SCAI: variants seen among roughly 807,000 people sequenced by gnomAD.
SCAI encodes protein SCAI.
SCAI carries 24 observed loss-of-function variants against 92.2 expected under a neutral mutation model. The ratio of observed to expected loss-of-function variants is 0.26; its 90% CI spans 0.19 to 0.37. The LOEUF (loss-of-function observed/expected upper bound fraction) is 0.37. Ranked by LOEUF, SCAI falls within the 10% of genes least tolerant of loss-of-function variation. The probability of loss-of-function intolerance (pLI) is 1.00; values close to 1 mark genes in which losing one functional copy is unlikely to be tolerated. For missense variants in SCAI, 450 were observed against 736.2 expected (o/e 0.61, Z 4.50); for synonymous variants, 261 against 258.6 (o/e 1.01, Z -0.09).
chr9:125,120,355 A>G (rs903300245), intron 2 of SCAI, among the ~76,000 whole-genome samples: 19 of 152,178 alleles, frequency 1.2e-4, no homozygotes, highest in Non-Finnish European at 1.9e-4. Flanking sequence ...AAATGAATTC[A>G]ATGGCCTACA....
chr9:124,974,206 G>A (rs1472696945), intron 15 of SCAI: 1 of 451,680 alleles, frequency 2.2e-6, no homozygotes, highest in Non-Finnish European at 4.4e-6. Context: ...CACTTTGGGA[G>A]GCCAAGGCAG....
chr9:124,980,068 T>A (rs1304675959), intron 14 of SCAI, among the ~76,000 whole-genome samples: 2 of 147,344 alleles, frequency 1.4e-5, no homozygotes, highest in African/African-American at 5.1e-5. Context: ...AAAAAAAAAA[T>A]TAAGCAAGTA....
chr9:125,009,826 G>C (rs982209910), intron 9 of SCAI, among the ~76,000 whole-genome samples: 1 of 152,062 alleles, frequency 6.6e-6, no homozygotes, highest in East Asian at 2.0e-4. Flanking sequence ...CCAGGAGCCA[G>C]AGGTGGCAGT....
At chr9:124,976,345 A>G (rs1041536516) in intron 14 of SCAI, among the ~76,000 whole-genome samples, 159 bp from the exon 15 acceptor site, 1 of 152,268 alleles carries the variant, frequency 6.6e-6, no homozygotes. Flanking sequence ...CCATTCATAT[A>G]TAAGTACCAT....
At chr9:125,077,349 C>G (rs1834111115) in intron 2 of SCAI, among the ~76,000 whole-genome samples, 1 of 152,080 alleles carries the variant, frequency 6.6e-6, no homozygotes, top group South Asian at 2.1e-4. Context: ...TTTGTTTCTC[C>G]TTTCAACAAG....
intron 2 of SCAI, among the ~76,000 whole-genome samples, chr9:125,074,803 G>A (rs1156478588): frequency 2.6e-5 from 4 of 151,550 alleles, no homozygotes; most frequent in South Asian, 2.1e-4. Context: ...TCAGGAGTTC[G>A]AGACCAGCCT....
At chr9:124,971,898 G>T (rs1321602777) in intron 15 of SCAI, 54 bp from the exon 16 acceptor site, 21 of 1,060,538 alleles carry the variant, frequency 2.0e-5, no homozygotes, top group Middle Eastern at 4.4e-4. Flanking sequence ...AAAGATAAGA[G>T]ATACATATGA....
chr9:125,008,035 C>T (rs1158206641), intron 9 of SCAI, among the ~76,000 whole-genome samples: 2 of 151,742 alleles, frequency 1.3e-5, no homozygotes, highest in African/African-American at 2.4e-5. Flanking sequence ...TTAGTAGAGA[C>T]GGGGTTTCAC....
chr9:125,114,919 A>G (rs1022578769), intron 2 of SCAI, among the ~76,000 whole-genome samples: 1 of 151,964 alleles, frequency 6.6e-6, no homozygotes, highest in African/African-American at 2.4e-5. Context: ...GATTACAGGC[A>G]TGCACACCAT....
chr9:125,107,177 G>A lies in SCAI; in HGVS notation c.98+35456C>T, dbSNP rs527965461. Among the ~76,000 whole-genome samples the A allele has an allele frequency of 1.1e-4, 16 of 152,118 alleles. No individual in the cohort carries two copies. In the South Asian group the frequency reaches 2.5e-3, roughly 24 times the overall value. On this transcript the variant is annotated intron_variant, in intron 2 of 17. Transcript: ENST00000336505. ...TGTAATCCCAGCACTTTGGGAGGCC[G>A]AGGGGAGAGGATCACAAGGTCAGGA... is the stretch of plus-strand genomic sequence containing the variant.
chr9:125,070,496 T>G lies in SCAI; in HGVS notation c.99-14489A>C, dbSNP rs369012860. 7.9e-5 allele frequency among the ~76,000 whole-genome samples: 12 copies of G among 151,114 alleles called. 1 individual carries two copies. In the South Asian group the frequency reaches 2.5e-3, roughly 32 times the overall value. ...CTCATAGCAAGCTCCACCTCCAGGA[T>G]TCAAGCAATTCTCCTGCCTCAGCCT... On this transcript the variant is annotated intron_variant, in intron 2 of 17. Transcript: ENST00000336505.
At position 124,944,055 on chromosome 9, in the gene SCAI, C is replaced by G. The variant is rs1831101325; in HGVS notation, c.*8752G>C. On this transcript the variant is annotated 3_prime_UTR_variant, in exon 18 of 18. Transcript: ENST00000336505. ...ATTATCTAAGATGTTTCTACCTCAA[C>G]TGGAAGAATCATCCAAAATCTAAAG... The G allele has an allele frequency of 1.3e-5, 2 of 152,106 alleles. No homozygotes were observed. 9.4% of individuals were successfully genotyped at this position (152,106 alleles called of 1,614,324 possible).
intron 2 of SCAI, among the ~76,000 whole-genome samples, chr9:125,097,494 C>A (rs866027079): frequency 2.6e-5 from 4 of 151,888 alleles, no homozygotes; most frequent in Admixed American, 6.6e-5. Context: ...TTTTCTAGTT[C>A]TTTGAACTCC....
intron 10 of SCAI, 61 bp from the exon 11 acceptor site, chr9:125,003,276 T>C: frequency 7.6e-7 from 1 of 1,322,986 alleles, no homozygotes; most frequent in African/African-American, 1.4e-5. Context: ...GAATTATCAA[T>C]ATCTATTTTC....
At chr9:125,038,347 T>C (rs960077993) in intron 3 of SCAI, among the ~76,000 whole-genome samples, 1 of 152,202 alleles carries the variant, frequency 6.6e-6, no homozygotes, top group South Asian at 2.1e-4. Flanking sequence ...ACCTGCTATG[T>C]TTTGTTAAAA....
intron 14 of SCAI, among the ~76,000 whole-genome samples, chr9:124,976,672 A>C (rs1398447135): frequency 6.6e-6 from 1 of 152,220 alleles, no homozygotes; most frequent in Non-Finnish European, 1.5e-5. Flanking sequence ...GCTGACACTC[A>C]AACTAAAGTA....
intron 15 of SCAI, chr9:124,975,521 T>A: frequency 3.8e-6 from 1 of 263,222 alleles, no homozygotes; most frequent in Non-Finnish European, 7.9e-6. Context: ...TAAAGACAAA[T>A]TATTAAGGAC....
chr9:125,115,853 G>T (rs1424616208), intron 2 of SCAI, among the ~76,000 whole-genome samples: 1 of 152,168 alleles, frequency 6.6e-6, no homozygotes, highest in Non-Finnish European at 1.5e-5. Flanking sequence ...TATTTTTTAA[G>T]TTGACCAGTG....
intron 17 of SCAI, among the ~76,000 whole-genome samples, chr9:124,970,282 C>T (rs1831632420): frequency 6.6e-6 from 1 of 152,064 alleles, no homozygotes; most frequent in Non-Finnish European, 1.5e-5. Context: ...TGAGTGAAAG[C>T]TATAGTCAAT....
Sources: gnomAD v4.1 joint callset for allele counts (sites outside exome capture counted in the v4.1 genomes callset) on GRCh38, gnomAD v4.1.1 for gene constraint, MANE v1.5 for transcripts, NCBI Gene and HGNC (gene_info 2026-07-23, HGNC 2026-07-21) for gene names.